Variants in FRMD3 observed in about 807,000 individuals in gnomAD.
The protein encoded by FRMD3 is FERM domain-containing protein 3.
Under a neutral mutation model 70.2 loss-of-function variants are expected in FRMD3, and 33 were observed. That is an observed-to-expected ratio of 0.47 (90% CI 0.36 to 0.63). FRMD3 has a LOEUF of 0.63. Ranked by LOEUF, FRMD3 falls within the 20% of genes least tolerant of loss-of-function variation. FRMD3 has a pLI of 0.00. For synonymous variants in FRMD3, 279 were observed against 255.9 expected (o/e 1.09, Z -0.86); for missense variants, 632 against 711.4 (o/e 0.89, Z 1.27).
intron 1 of FRMD3, among the ~76,000 whole-genome samples, chr9:83,441,484 A>C (rs1827293167): frequency 6.6e-6 from 1 of 152,198 alleles, no homozygotes; most frequent in African/African-American, 2.4e-5. Flanking sequence ...TGAGCCAAGT[A>C]GATAAATACA....
chr9:83,563,093 CA>C, the FRMD3 span, among the ~76,000 whole-genome samples: 1 of 152,006 alleles, frequency 6.6e-6, no homozygotes, highest in African/African-American at 2.4e-5. Context: ...CTTAGAGCTG[CA>C]ATTAAAAGCC....
chr9:83,420,352 G>T (rs17086251), intron 1 of FRMD3, among the ~76,000 whole-genome samples: 4,031 of 152,236 alleles, frequency 0.026, 95 homozygotes, highest in East Asian at 0.11. Flanking sequence ...TACACTTCAA[G>T]GAATCAGACA....
chr9:83,541,586 T>A (rs570872503), upstream of FRMD3, among the ~76,000 whole-genome samples: 11 of 152,352 alleles, frequency 7.2e-5, no homozygotes, highest in African/African-American at 2.4e-4. Flanking sequence ...AAGTGGCTGT[T>A]CTTTGTAGCA....
At chr9:83,309,338 CAT>C (rs1175482334) in intron 10 of FRMD3, among the ~76,000 whole-genome samples, 196 bp downstream of exon 10, 4 of 151,464 alleles carry the variant, frequency 2.6e-5, no homozygotes, top group Non-Finnish European at 5.9e-5. Flanking sequence ...AAACATCCAA[CAT>C]AGAGCTCAGA....
chr9:83,324,713 T>G (rs1201787218), intron 6 of FRMD3, among the ~76,000 whole-genome samples: 1 of 152,226 alleles, frequency 6.6e-6, no homozygotes, highest in African/African-American at 2.4e-5. Context: ...CATATACATA[T>G]TTTTTCCCTT....
At chr9:83,290,830 T>C in intron 12 of FRMD3, 103 bp from the exon 13 acceptor site, 4 of 1,201,134 alleles carry the variant, frequency 3.3e-6, no homozygotes, top group African/African-American at 1.5e-5. Flanking sequence ...TACAGGGAAC[T>C]ACCTCCAGAC....
intron 10 of FRMD3, among the ~76,000 whole-genome samples, chr9:83,303,877 T>C (rs1440204890): frequency 6.6e-6 from 1 of 152,234 alleles, no homozygotes; most frequent in Non-Finnish European, 1.5e-5. Flanking sequence ...GCAATGGGTA[T>C]TGGCAGTCAC....
In FRMD3 at chr9:83,536,930, T is replaced by TAAAAAAA. The variant is rs142272516; in HGVS notation, c.147+1148_147+1154dup. Among the ~76,000 whole-genome samples the TAAAAAAA allele has an allele frequency of 4.9e-4, 30 of 60,892 alleles. 2 individuals carry two copies. The highest frequency in any genetic ancestry group is 1.3e-3 in the African/African-American group (21 of 16,412). The allele number at this position is 60,892 out of a possible 152,430, so 39.9% of individuals were successfully genotyped here. A position where few individuals can be genotyped will look rare whatever the true frequency, so the allele number is the denominator to read the frequency against. ...ATGGGTGGTGTGCCCTGTATTACAC[T>TAAAAAAA]AAAAAAAAAAAAAAAAAAAAAAAGC... is the stretch of plus-strand genomic sequence containing the variant. On this transcript the variant is annotated intron_variant, in intron 1 of 13. Coordinates refer to ENST00000304195, the MANE Select transcript of FRMD3 (RefSeq NM_174938.6).
chr9:83,551,646 T>C, the FRMD3 span, among the ~76,000 whole-genome samples: 1 of 152,082 alleles, frequency 6.6e-6, no homozygotes, highest in Admixed American at 6.6e-5. Context: ...CTGATTCCAT[T>C]TTGGAGCTTG....
chr9:83,311,651 C>A (rs1023027896), intron 8 of FRMD3, among the ~76,000 whole-genome samples: 4 of 152,026 alleles, frequency 2.6e-5, no homozygotes, highest in East Asian at 1.9e-4. Flanking sequence ...ACACTGGATA[C>A]CTTCTCTTTG....
chr9:83,410,519 T>C (rs887162625), intron 1 of FRMD3, among the ~76,000 whole-genome samples: 3 of 152,338 alleles, frequency 2.0e-5, no homozygotes, highest in East Asian at 1.9e-4. Context: ...TGTGTATAGG[T>C]ACCACATTTT....
intron 13 of FRMD3, among the ~76,000 whole-genome samples, chr9:83,256,231 C>A (rs1374687625): frequency 6.6e-6 from 1 of 151,700 alleles, no homozygotes; most frequent in Non-Finnish European, 1.5e-5. Context: ...CCAACAACCA[C>A]CTGATCTTCA....
At chr9:83,416,360 C>T (rs923742501) in intron 1 of FRMD3, among the ~76,000 whole-genome samples, 3 of 152,236 alleles carry the variant, frequency 2.0e-5, no homozygotes, top group Non-Finnish European at 2.9e-5. Context: ...TCACTTGCTT[C>T]CTATTACAAA....
intron 1 of FRMD3, among the ~76,000 whole-genome samples, chr9:83,463,624 G>C (rs1828037783): frequency 6.6e-6 from 1 of 152,192 alleles, no homozygotes. Context: ...TTCAAGATGA[G>C]ATTTGGGTGG....
chr9:83,530,743 G>A (rs1564118679), intron 1 of FRMD3, among the ~76,000 whole-genome samples: 1 of 151,868 alleles, frequency 6.6e-6, no homozygotes, highest in Non-Finnish European at 1.5e-5. Context: ...ATGATCACAG[G>A]GACTTCCAGG....
intron 2 of FRMD3, among the ~76,000 whole-genome samples, chr9:83,387,258 C>A (rs190899434): frequency 2.6e-5 from 4 of 152,214 alleles, no homozygotes; most frequent in Admixed American, 6.5e-5. Flanking sequence ...AGAGCTGACC[C>A]AAGTTTTCCC....
intron 1 of FRMD3, among the ~76,000 whole-genome samples, chr9:83,451,086 C>T (rs957087388): frequency 1.3e-5 from 2 of 152,128 alleles, no homozygotes; most frequent in Non-Finnish European, 2.9e-5. Context: ...AAACAAAATA[C>T]ACCTTTTTTT....
chr9:83,246,991 T>C lies in FRMD3; in HGVS notation c.*927A>G. ...TCACTCTTGGGTTAATGTACATTGA[T>C]ATGCAACTGACTAGCACATCTGTTA... On this transcript the variant is annotated 3_prime_UTR_variant, in exon 14 of 14. Transcript: ENST00000304195. 2.0e-6 allele frequency: 2 copies of C among 985,476 alleles called. No individual in the cohort carries two copies. Among genetic ancestry groups the C allele is most frequent in the South Asian group, 9.4e-5 (2 of 21,294 alleles). 61.0% of individuals were successfully genotyped at this position (985,476 alleles called of 1,614,324 possible).
At chr9:83,394,632 G>A (rs1166583668) in intron 1 of FRMD3, among the ~76,000 whole-genome samples, 1 of 152,130 alleles carries the variant, frequency 6.6e-6, no homozygotes, top group Non-Finnish European at 1.5e-5. Context: ...CTCTTCAAAG[G>A]CTGCTGAGTG....
Sources: allele counts gnomAD v4.1 joint callset (sites outside exome capture counted in the v4.1 genomes callset), GRCh38; gene constraint gnomAD v4.1.1; transcripts MANE v1.5; gene names NCBI Gene and HGNC (gene_info 2026-07-23, HGNC 2026-07-21).